Variants in KIF26B observed in about 807,000 individuals in gnomAD.
KIF26B encodes kinesin family member 26B.
In KIF26B, 63 loss-of-function variants were observed where a neutral mutation model predicts 151.2. That is an observed-to-expected ratio of 0.42 (90% CI 0.34 to 0.51). KIF26B has a LOEUF of 0.51. Among genes scored for constraint, KIF26B ranks in the 20% least tolerant of loss-of-function variants. KIF26B has a pLI of 0.07. For missense variants in KIF26B, 2,813 were observed against 2,913.6 expected (o/e 0.97, Z 0.79); for synonymous variants, 1,357 against 1,262.1 (o/e 1.08, Z -1.59).
intron 5 of KIF26B, among the ~76,000 whole-genome samples, chr1:245,559,008 A>G (rs1166009552): frequency 6.6e-6 from 1 of 152,222 alleles, no homozygotes; most frequent in Admixed American, 6.5e-5. Context: ...ACTGAACACC[A>G]TCGTGTGTTT....
intron 9 of KIF26B, among the ~76,000 whole-genome samples, chr1:245,616,170 A>G (rs2043588589): frequency 6.6e-6 from 1 of 152,250 alleles, no homozygotes; most frequent in Admixed American, 6.5e-5. Context: ...AAAGTTTTAA[A>G]CATTTCCAGT....
chr1:245,631,429 T>C (rs952635360), intron 9 of KIF26B, among the ~76,000 whole-genome samples: 1 of 152,238 alleles, frequency 6.6e-6, no homozygotes, highest in African/African-American at 2.4e-5. Context: ...TGCACGTTTA[T>C]TGATTTGCAT....
chr1:245,538,541 G>C (rs948128425), intron 4 of KIF26B, among the ~76,000 whole-genome samples: 4 of 151,996 alleles, frequency 2.6e-5, no homozygotes, highest in Non-Finnish European at 5.9e-5. Flanking sequence ...GGGTGGGCCT[G>C]GGTGGCAGAG....
chr1:245,483,035 C>T (rs780814803), intron 4 of KIF26B, among the ~76,000 whole-genome samples: 2 of 151,664 alleles, frequency 1.3e-5, no homozygotes, highest in African/African-American at 2.4e-5. Flanking sequence ...TGCCAGGACT[C>T]ACACTCCTGG....
chr1:245,383,305 T>G (rs2103018484), intron 3 of KIF26B, among the ~76,000 whole-genome samples: 1 of 152,100 alleles, frequency 6.6e-6, no homozygotes, highest in East Asian at 1.9e-4. Flanking sequence ...ATTGGTGAAT[T>G]TAGAAAACCG....
chr1:245,632,513 C>A (rs537727681), intron 9 of KIF26B, among the ~76,000 whole-genome samples: 2 of 152,312 alleles, frequency 1.3e-5, no homozygotes, highest in African/African-American at 4.8e-5. Context: ...ATGAAATGCT[C>A]TCTAAATATC....
chr1:245,644,978 G>T (rs1363307316), intron 9 of KIF26B, among the ~76,000 whole-genome samples: 1 of 152,170 alleles, frequency 6.6e-6, no homozygotes, highest in Non-Finnish European at 1.5e-5. Flanking sequence ...GGTGAAAGGA[G>T]AGTAGGCGTG....
chr1:245,700,792 A>T (rs1224569567), intron 14 of KIF26B, among the ~76,000 whole-genome samples: 5 of 152,224 alleles, frequency 3.3e-5, no homozygotes, highest in Non-Finnish European at 5.9e-5. Flanking sequence ...GAGGGCAGAC[A>T]GGGGCGAGGG....
At chr1:245,487,150 C>T (rs1023136251) in intron 4 of KIF26B, among the ~76,000 whole-genome samples, 6 of 152,014 alleles carry the variant, frequency 3.9e-5, no homozygotes, top group Admixed American at 1.3e-4. Context: ...TAGCTTGTGT[C>T]GTGATACCTC....
chr1:245,467,005 C>T (rs759476346), intron 4 of KIF26B, among the ~76,000 whole-genome samples: 2 of 152,126 alleles, frequency 1.3e-5, no homozygotes, highest in Non-Finnish European at 2.9e-5. Flanking sequence ...GAAGAAGGCC[C>T]GTCTAACCTC....
intron 2 of KIF26B, among the ~76,000 whole-genome samples, chr1:245,267,070 G>A (rs1670760137): frequency 6.6e-6 from 1 of 152,188 alleles, no homozygotes; most frequent in Admixed American, 6.5e-5. Context: ...GTTTGATTTG[G>A]ATTTGCAGTG....
intron 5 of KIF26B, among the ~76,000 whole-genome samples, chr1:245,578,393 T>C (rs1247786336): frequency 6.6e-6 from 1 of 152,218 alleles, no homozygotes; most frequent in Non-Finnish European, 1.5e-5. Flanking sequence ...TCACAGAGTT[T>C]CTTTGGCACT....
chr1:245,465,516 G>A (rs1352875908), intron 4 of KIF26B, among the ~76,000 whole-genome samples: 3 of 152,124 alleles, frequency 2.0e-5, no homozygotes, highest in Non-Finnish European at 4.4e-5. Flanking sequence ...AAAGAGCCAC[G>A]GAGAAAGTAT....
Position 245,685,696 on chromosome 1 carries a change from C to T in KIF26B, c.2713C>T (p.Pro905Ser). The T allele has an allele frequency of 6.2e-7, 1 of 1,612,970 alleles. No homozygotes were observed. The highest frequency in any genetic ancestry group is 2.2e-5 in the East Asian group (1 of 44,868). ...GCAGAAGACCCGGGGCGACAGCCGG[C>T]CCGCAGAGGCAGGAGAGGCTGCAGC... ...ALQKTRGDSR[P>S]AEAGEAAAGK... The change falls in exon 12 of 15, where the codon CCC (proline) becomes TCC (serine). Residue 905 changes from proline (P) to serine (S), a missense_variant. Physicochemically the swap from Pro to Ser is moderately conservative, Grantham distance 74 (BLOSUM62 -1). This residue lies in a region of KIF26B where 2,060 missense variants were observed against 2,088.6 expected (regional missense o/e 0.99). Transcript: ENST00000407071.
intron 3 of KIF26B, among the ~76,000 whole-genome samples, chr1:245,417,128 C>T (rs962850293): frequency 6.6e-6 from 1 of 151,924 alleles, no homozygotes; most frequent in Non-Finnish European, 1.5e-5. Flanking sequence ...GGAAAGGCAG[C>T]GTGACTAGGA....
intron 2 of KIF26B, among the ~76,000 whole-genome samples, chr1:245,165,496 C>T (rs112738363): frequency 9.2e-5 from 14 of 152,116 alleles, no homozygotes; most frequent in Admixed American, 4.6e-4. Context: ...CGCTCTAGAG[C>T]GGCTTCTGAG....
chr1:245,568,184 C>CAAAAAAAA (rs61494632), intron 5 of KIF26B, among the ~76,000 whole-genome samples: 4 of 28,706 alleles, frequency 1.4e-4, no homozygotes, highest in African/African-American at 2.7e-4. Flanking sequence ...AACTCCATCT[C>CAAAAAAAA]AAAAAAAAAA....
intron 5 of KIF26B, among the ~76,000 whole-genome samples, chr1:245,558,003 T>C: frequency 6.6e-6 from 1 of 152,144 alleles, no homozygotes; most frequent in Non-Finnish European, 1.5e-5. Flanking sequence ...AGTAGGGTCC[T>C]GGCATCAAAG....
At chr1:245,464,345 G>A (rs960592295) in intron 4 of KIF26B, among the ~76,000 whole-genome samples, 1 of 152,170 alleles carries the variant, frequency 6.6e-6, no homozygotes, top group South Asian at 2.1e-4. Flanking sequence ...GAGCACGTGT[G>A]TGCATCTGTG....
Sources: gnomAD v4.1 joint callset for allele counts (sites outside exome capture counted in the v4.1 genomes callset) on GRCh38, gnomAD v4.1.1 for gene constraint, gnomAD v4.1.1 regional missense constraint, MANE v1.5 for transcripts, NCBI Gene and HGNC (gene_info 2026-07-23, HGNC 2026-07-21) for gene names.